Variants in RAB3GAP2 observed in about 807,000 individuals in gnomAD.
RAB3GAP2 encodes the protein rab3 GTPase-activating protein non-catalytic subunit.
Under a neutral mutation model 185.3 loss-of-function variants are expected in RAB3GAP2, and 87 were observed. The ratio of observed to expected loss-of-function variants is 0.47; its 90% CI spans 0.39 to 0.56. The LOEUF (loss-of-function observed/expected upper bound fraction) is 0.56, where lower values mean the gene tolerates loss of function less well. RAB3GAP2 is among the 20% of genes least tolerant of loss of function. The pLI, the probability that RAB3GAP2 is intolerant of heterozygous loss-of-function variation, is 0.00. For missense variants in RAB3GAP2, 1,492 were observed against 1,638.2 expected (o/e 0.91, Z 1.54); for synonymous variants, 554 against 576.1 (o/e 0.96, Z 0.55).
intron 1 of RAB3GAP2, among the ~76,000 whole-genome samples, chr1:220,241,553 T>C (rs957170476): frequency 2.0e-5 from 3 of 151,978 alleles, no homozygotes; most frequent in Non-Finnish European, 4.4e-5. Context: ...TGGCTCTACT[T>C]GGCCAAGGCA....
At chr1:220,243,353 CAAA>C (rs34046394) in intron 1 of RAB3GAP2, among the ~76,000 whole-genome samples, 5 of 107,608 alleles carry the variant, frequency 4.6e-5, no homozygotes, top group Admixed American at 9.4e-5. Context: ...GACTCCATCT[CAAA>C]AAAAAAAAAA....
chr1:220,224,503 T>C (rs140764415), intron 2 of RAB3GAP2, among the ~76,000 whole-genome samples: 538 of 152,202 alleles, frequency 3.5e-3, no homozygotes, highest in Non-Finnish European at 5.3e-3. Flanking sequence ...TGGAAAAACC[T>C]CCAAATTACA....
chr1:220,155,881 T>G (rs1657846770), intron 31 of RAB3GAP2, among the ~76,000 whole-genome samples: 1 of 152,176 alleles, frequency 6.6e-6, no homozygotes, highest in Non-Finnish European at 1.5e-5. Context: ...TGGTATTTCT[T>G]TCTCTTTTTT....
chr1:220,197,637 C>T (rs763124215), intron 9 of RAB3GAP2, among the ~76,000 whole-genome samples: 2 of 152,184 alleles, frequency 1.3e-5, no homozygotes, highest in Admixed American at 1.3e-4. Context: ...CACCAAAACA[C>T]GATCAAAGGG....
At position 220,185,738 on chromosome 1, in the gene RAB3GAP2, A is replaced by C; in HGVS notation, c.1783T>G (p.Leu595Val). 6.2e-7 allele frequency: 1 copy of C among 1,609,052 alleles called. No homozygotes were observed. Among genetic ancestry groups the C allele is most frequent in the Non-Finnish European group, 8.5e-7 (1 of 1,175,800 alleles). Residue 595 changes from leucine (L) to valine (V), a missense_variant, in exon 18 of 35, where the codon TTG (leucine) becomes GTG (valine). Around this residue, in one of 5 missense-constraint regions of RAB3GAP2, gnomAD observed 681 missense variants for 689.1 expected, o/e 0.99. Coordinates refer to ENST00000358951, the MANE Select transcript of RAB3GAP2 (RefSeq NM_012414.4). Reference protein sequence around the residue: ...IKYPATKKQALESILASERLP... With the variant: ...IKYPATKKQAVESILASERLP... ...CGTTCACTTGCCAAAATGCTTTCCA[A>C]AGCCTAGGAGAAAGATATTGAACAG...
rs1659988626 is a variant in RAB3GAP2 at position 220,254,051 on chromosome 1, C to T, written c.115+18172G>A. On this transcript the variant is annotated intron_variant, in intron 1 of 34. Transcript: ENST00000358951. ...AGAGTTGAAGTTAAAGTAAAGATTC[C>T]TGAATAGCTAAAACCGTGGCTTGTT... The T allele has an allele frequency of 2.5e-6, 4 of 1,613,866 alleles. No homozygotes were observed. The Admixed American group carries it at 5.0e-5, about 20-fold the overall frequency.
At chr1:220,266,760 T>C in intron 1 of RAB3GAP2, 1 of 1,590,538 alleles carries the variant, frequency 6.3e-7, no homozygotes, top group Non-Finnish European at 8.6e-7. Context: ...TTTGATGAAT[T>C]TGCTGTGATC....
At chr1:220,222,337 T>C (rs1303318125) in intron 2 of RAB3GAP2, among the ~76,000 whole-genome samples, 2 of 152,030 alleles carry the variant, frequency 1.3e-5, no homozygotes, top group African/African-American at 2.4e-5. Context: ...ATATATGAAA[T>C]AGATAAAAGC....
At chr1:220,256,642 TAA>T (rs371320505) in intron 1 of RAB3GAP2, among the ~76,000 whole-genome samples, 273 of 152,208 alleles carry the variant, frequency 1.8e-3, no homozygotes, top group African/African-American at 6.1e-3. Context: ...AACAAAGATT[TAA>T]AAAGACAAAG....
intron 9 of RAB3GAP2, among the ~76,000 whole-genome samples, chr1:220,197,779 T>C (rs1658758499): frequency 6.6e-6 from 1 of 152,180 alleles, no homozygotes; most frequent in Non-Finnish European, 1.5e-5. Context: ...ATATGCAATT[T>C]TTTTAAAGGA....
At position 220,191,202 on chromosome 1, in the gene RAB3GAP2, G is replaced by C; in HGVS notation, c.1353C>G (p.Pro451=). 6.2e-7 allele frequency: 1 copy of C among 1,613,834 alleles called. No individual in the cohort carries two copies. ...ERVPEKADFS[P]FGNSQGPSRV... The stretch of plus-strand genomic sequence containing the variant: ...GACTTGGACCCTGAGAATTTCCAAA[G>C]GGGGAAAAATCTGCCTTTTCTGGCA... The change falls in exon 14 of 35, where the codon CCC becomes CCG. Residue 451 remains proline, a synonymous_variant. Coordinates refer to ENST00000358951, the MANE Select transcript of RAB3GAP2 (RefSeq NM_012414.4).
intron 2 of RAB3GAP2, 98 bp downstream of exon 2, chr1:220,232,701 C>T (rs747902899): frequency 5.3e-6 from 6 of 1,128,560 alleles, no homozygotes; most frequent in Non-Finnish European, 5.4e-6. Context: ...TTCTTGACAT[C>T]GAATTTAAAA....
intron 8 of RAB3GAP2, among the ~76,000 whole-genome samples, chr1:220,204,589 T>C (rs1272043197): frequency 3.1e-5 from 4 of 129,768 alleles, no homozygotes; most frequent in East Asian, 2.2e-4. Context: ...TTTTCACTGA[T>C]TTTTTTTTAT....
At chr1:220,267,287 C>A in intron 1 of RAB3GAP2, 1 of 941,416 alleles carries the variant, frequency 1.1e-6, no homozygotes, top group Non-Finnish European at 1.8e-6. Flanking sequence ...GGTGTATATT[C>A]CAGAATTAGG....
chr1:220,160,180 A>T (rs1451450458), intron 28 of RAB3GAP2, among the ~76,000 whole-genome samples: 2 of 152,204 alleles, frequency 1.3e-5, no homozygotes, highest in African/African-American at 4.8e-5. Context: ...TAGCCCAGAA[A>T]AATTTCCTTA....
chr1:220,171,100 A>T lies in RAB3GAP2; in HGVS notation c.2598T>A (p.Gly866=). The change falls in exon 24 of 35, where the codon GGT becomes GGA. Residue 866 remains glycine (G), a synonymous_variant. Coordinates refer to ENST00000358951, the MANE Select transcript of RAB3GAP2 (RefSeq NM_012414.4). ...TEKKFSQTVL[G]ADSEALTDSW... is the part of the protein sequence containing the mutation. ...AATCAGTGAGGGCCTCTGAATCAGCACCCAAAACTGTTTGGGAAAACTAAT... is the reference window on the plus strand; with the variant it reads ...AATCAGTGAGGGCCTCTGAATCAGCTCCCAAAACTGTTTGGGAAAACTAAT... The T allele has an allele frequency of 6.2e-7, 1 of 1,614,150 alleles. No homozygotes were observed. The highest frequency in any genetic ancestry group is 8.5e-7 in the Non-Finnish European group (1 of 1,179,992).
At chr1:220,245,151 G>T (rs1558168422) in intron 1 of RAB3GAP2, among the ~76,000 whole-genome samples, 1 of 151,614 alleles carries the variant, frequency 6.6e-6, no homozygotes, top group Admixed American at 6.6e-5. Context: ...TAAAAAGTGG[G>T]CAAAGAGGAG....
At chr1:220,214,023 A>T in intron 2 of RAB3GAP2, 44 bp from the exon 3 acceptor site, 1 of 1,601,688 alleles carries the variant, frequency 6.2e-7, no homozygotes, top group Non-Finnish European at 8.6e-7. Context: ...AAATACCAAG[A>T]GTATTCAAAC....
intron 24 of RAB3GAP2, 144 bp from the exon 25 acceptor site, chr1:220,167,819 T>A: frequency 2.3e-6 from 2 of 876,524 alleles, no homozygotes; most frequent in Non-Finnish European, 3.7e-6. Context: ...CCATGAGATT[T>A]ACAGCAGTGT....
Sources: allele counts gnomAD v4.1 joint callset (sites outside exome capture counted in the v4.1 genomes callset), GRCh38; gene constraint gnomAD v4.1.1; regional missense constraint gnomAD v4.1.1; transcripts MANE v1.5; gene names NCBI Gene and HGNC (gene_info 2026-07-23, HGNC 2026-07-21).